The following ZKSCAN1 variants were observed in gnomAD, a reference collection of about 807,000 sequenced individuals.
ZKSCAN1 encodes the protein zinc finger with KRAB and SCAN domains 1.
A neutral mutation model predicts 51.6 loss-of-function variants in ZKSCAN1; 14 were observed. The observed-to-expected ratio is 0.27, with a 90% CI of 0.18 to 0.42. ZKSCAN1 has a LOEUF of 0.42. Among genes scored for constraint, ZKSCAN1 ranks in the 10% least tolerant of loss-of-function variants. ZKSCAN1 has a pLI of 1.00. For missense variants in ZKSCAN1, 531 were observed against 710.0 expected (o/e 0.75, Z 2.86); for synonymous variants, 263 against 261.5 (o/e 1.01, Z -0.06).
intron 1 of ZKSCAN1, among the ~76,000 whole-genome samples, chr7:100,018,160 CAGCTTTA>C (rs1345869463): frequency 6.6e-6 from 1 of 152,274 alleles, no homozygotes; most frequent in East Asian, 1.9e-4. Flanking sequence ...AGGGGTGGAG[CAGCTTTA>C]ATGCTAACCT....
intron 1 of ZKSCAN1, among the ~76,000 whole-genome samples, chr7:100,022,145 C>G (rs1248693820): frequency 6.6e-6 from 1 of 152,196 alleles, no homozygotes; most frequent in Non-Finnish European, 1.5e-5. Flanking sequence ...ACCTCCGCCT[C>G]CTGGGTTCAA....
In ZKSCAN1 at chr7:100,040,409, A is replaced by G; in HGVS notation, c.*6212A>G. On this transcript the variant is annotated 3_prime_UTR_variant, in exon 6 of 6. Transcript: ENST00000324306. The stretch of plus-strand genomic sequence containing the variant: ...AATTGCACAGTAATCAGTAAAGTGA[A>G]TACGTTTTTAAAATGGAATTTTCTC... 1 of 985,478 alleles carries G rather than the reference A, an allele frequency of 1.0e-6. No individual in the cohort carries two copies. The highest frequency in any genetic ancestry group is 1.2e-6 in the Non-Finnish European group (1 of 829,936). The allele number at this position is 985,478 out of a possible 1,614,324, so 61.0% of individuals were successfully genotyped here.
chr7:100,027,277 C>G (rs1021026423), intron 3 of ZKSCAN1, among the ~76,000 whole-genome samples: 1 of 141,730 alleles, frequency 7.1e-6, no homozygotes, highest in Non-Finnish European at 1.5e-5. Flanking sequence ...GCCTGGGCGA[C>G]AGAGCAACAC....
rs1458344795 is a variant in ZKSCAN1, at chr7:100,036,787, T to G, written c.*2590T>G. ...CTCCAGGCAACGACCCAAGCACTTA[T>G]TTTTTAAGAGGGAAAGGACTTTGGT... On this transcript the variant is annotated 3_prime_UTR_variant, in exon 6 of 6. Coordinates refer to ENST00000324306, the MANE Select transcript of ZKSCAN1 (RefSeq NM_003439.4). 2 of 983,780 alleles carry G rather than the reference T, an allele frequency of 2.0e-6. No homozygotes were observed. The highest frequency in any genetic ancestry group is 2.4e-6 in the Non-Finnish European group (2 of 829,642). 60.9% of individuals were successfully genotyped at this position (983,780 alleles called of 1,614,324 possible).
At chr7:100,042,737 C>T (rs1028742737), downstream of ZKSCAN1, among the ~76,000 whole-genome samples, 1 of 144,692 alleles carries the variant, frequency 6.9e-6, no homozygotes, top group Non-Finnish European at 1.5e-5. Context: ...TATAGATACA[C>T]GTGTGTGTGT....
chr7:100,038,530 A>G lies in ZKSCAN1; in HGVS notation c.*4333A>G. On this transcript the variant is annotated 3_prime_UTR_variant, in exon 6 of 6. Coordinates refer to ENST00000324306, the MANE Select transcript of ZKSCAN1 (RefSeq NM_003439.4). Reference sequence around the variant, plus strand: ...CCAAGAAGTTGACCTCTGAGCTGTCAGGTGACCACTGTGTGCAAAGGGGAT... The same window carrying G: ...CCAAGAAGTTGACCTCTGAGCTGTCGGGTGACCACTGTGTGCAAAGGGGAT... 2 of 985,492 alleles carry G rather than the reference A, an allele frequency of 2.0e-6. No homozygotes were observed. Among genetic ancestry groups the G allele is most frequent in the South Asian group, 9.4e-5 (2 of 21,292 alleles). The allele number at this position is 985,492 out of a possible 1,614,324, so 61.0% of individuals were successfully genotyped here.
intron 1 of ZKSCAN1, among the ~76,000 whole-genome samples, chr7:100,022,351 C>T (rs949649908): frequency 2.6e-5 from 4 of 152,266 alleles, no homozygotes; most frequent in South Asian, 2.1e-4. Context: ...CTGCGCCCAG[C>T]CAAAGCTAGA....
rs1791323560 is a variant in ZKSCAN1, at chr7:100,035,561, C to A, written c.*1364C>A. On this transcript the variant is annotated 3_prime_UTR_variant, in exon 6 of 6. Transcript: ENST00000324306. ...AGAAGATGTGATTTTTGTTGCTTTTCAGAAAAAGGAACGTGGTAGGGAGTG... is the reference window on the plus strand; with the variant it reads ...AGAAGATGTGATTTTTGTTGCTTTTAAGAAAAAGGAACGTGGTAGGGAGTG... 1.3e-5 allele frequency: 2 copies of A among 152,102 alleles called. No individual in the cohort carries two copies. Among genetic ancestry groups the A allele is most frequent in the Admixed American group, 1.3e-4 (2 of 15,272 alleles). 9.4% of individuals were successfully genotyped at this position (152,102 alleles called of 1,614,324 possible).
intron 3 of ZKSCAN1, among the ~76,000 whole-genome samples, chr7:100,028,447 A>G (rs771122989): frequency 6.6e-6 from 1 of 152,168 alleles, no homozygotes; most frequent in Non-Finnish European, 1.5e-5. Flanking sequence ...CTGGGAGGTC[A>G]AGGCTGCAGT....
intron 1 of ZKSCAN1, among the ~76,000 whole-genome samples, chr7:100,018,466 G>A (rs983436555): frequency 6.0e-5 from 9 of 151,228 alleles, no homozygotes; most frequent in African/African-American, 1.2e-4. Flanking sequence ...GTGCAGTGGC[G>A]CAATCGCAGC....
intron 1 of ZKSCAN1, among the ~76,000 whole-genome samples, chr7:100,022,471 T>C (rs1200415831): frequency 6.6e-6 from 1 of 152,272 alleles, no homozygotes; most frequent in Admixed American, 6.5e-5. Flanking sequence ...GTAAGTGTAT[T>C]AGTGTCAATT....
Position 100,029,942 on chromosome 7 carries a change from C to G in ZKSCAN1, c.662C>G (p.Ala221Gly). The change falls in exon 4 of 6, where the codon GCG becomes GGG. Residue 221 changes from alanine (A) to glycine (G), a missense_variant. By Grantham distance (60) the Ala-to-Gly change is moderately conservative. Transcript: ENST00000324306. ...DQAMASALFT[A>G]DSQAMVKIED... ...GCGATGGCATCTGCACTATTCACAG[C>G]GGATTCCCAGGTGAGCTGTGGCCCC... is the stretch of plus-strand genomic sequence containing the variant. The G allele has an allele frequency of 6.2e-7, 1 of 1,614,160 alleles. No individual in the cohort carries two copies. Among genetic ancestry groups the G allele is most frequent in the Non-Finnish European group, 8.5e-7 (1 of 1,179,996 alleles).
At chr7:100,025,370 A>G (rs1790785636) in intron 3 of ZKSCAN1, among the ~76,000 whole-genome samples, 1 of 151,888 alleles carries the variant, frequency 6.6e-6, no homozygotes. Context: ...TATTTTCAGA[A>G]ATTTCAAACA....
Position 100,033,603 on chromosome 7 carries a change from C to T in ZKSCAN1, c.1098C>T (p.Thr366=), listed in dbSNP as rs1791212377. 6.2e-7 allele frequency: 1 copy of T among 1,614,044 alleles called. No individual in the cohort carries two copies. The highest frequency in any genetic ancestry group is 1.7e-5 in the Admixed American group (1 of 59,998). ...RSFSLSSNFT[T]PEEVPTGTKS... The stretch of plus-strand genomic sequence containing the variant: ...TCAGTCTGAGCTCCAACTTCACCAC[C>T]CCTGAAGAAGTTCCCACGGGAACAA... The change falls in exon 6 of 6, where the codon ACC becomes ACT. Residue 366 remains threonine (T), a synonymous_variant. Transcript: ENST00000324306. This position sits in a 1 kb window ranked among gnomAD's most constrained non-coding sequence, Gnocchi z 4.1.
In ZKSCAN1 at chr7:100,040,325, C is replaced by G; in HGVS notation, c.*6128C>G. On this transcript the variant is annotated 3_prime_UTR_variant, in exon 6 of 6. Coordinates refer to ENST00000324306, the MANE Select transcript of ZKSCAN1 (RefSeq NM_003439.4). ...TTGGTAGACTTCTAAATCATGGTCT[C>G]TGACAATTTGAATCTGAGATTCTCA... 1 of 985,416 alleles carries G rather than the reference C, an allele frequency of 1.0e-6. No individual in the cohort carries two copies. The highest frequency in any genetic ancestry group is 1.2e-6 in the Non-Finnish European group (1 of 829,930). 61.0% of individuals were successfully genotyped at this position (985,416 alleles called of 1,614,324 possible). A position where few individuals can be genotyped will look rare whatever the true frequency, so the allele number is the denominator to read the frequency against.
chr7:100,026,916 A>T (rs1036432487), intron 3 of ZKSCAN1, among the ~76,000 whole-genome samples: 2 of 151,950 alleles, frequency 1.3e-5, no homozygotes, highest in East Asian at 3.9e-4. Flanking sequence ...AGTTAAAAAA[A>T]TTTTTATTTT....
chr7:100,016,942 C>T (rs543387376), intron 1 of ZKSCAN1: 2 of 152,322 alleles, frequency 1.3e-5, no homozygotes, highest in South Asian at 4.1e-4. Context: ...TTTGTATCTT[C>T]TCTGAATTAA....
Position 100,038,182 on chromosome 7 carries a change from C to A in ZKSCAN1, c.*3985C>A, listed in dbSNP as rs772934892. 1.2e-5 allele frequency: 12 copies of A among 985,276 alleles called. No homozygotes were observed. In the East Asian group the frequency reaches 1.4e-3, roughly 112 times the overall value. The allele number at this position is 985,276 out of a possible 1,614,324, so 61.0% of individuals were successfully genotyped here. ...ATATATTTTATATGACCATAATGTC[C>A]GTGTGTGTTTTGTACCTTCAGTCCC... On this transcript the variant is annotated 3_prime_UTR_variant, in exon 6 of 6. Coordinates refer to ENST00000324306, the MANE Select transcript of ZKSCAN1 (RefSeq NM_003439.4).
chr7:100,044,999 A>C, downstream of ZKSCAN1: 1 of 982,520 alleles, frequency 1.0e-6, no homozygotes, highest in Middle Eastern at 5.2e-4. Flanking sequence ...TTTAGAGAGA[A>C]CCATGAACAC....
Sources: gnomAD v4.1 joint callset for allele counts (sites outside exome capture counted in the v4.1 genomes callset) on GRCh38, gnomAD v4.1.1 for gene constraint, Gnocchi (gnomAD v3.1) non-coding constraint, MANE v1.5 for transcripts, NCBI Gene and HGNC (gene_info 2026-07-23, HGNC 2026-07-21) for gene names.